The following EWSR1 variants were observed in gnomAD, a reference collection of about 807,000 sequenced individuals.
The protein encoded by EWSR1 is EWS RNA binding protein 1.
A neutral mutation model predicts 92.1 loss-of-function variants in EWSR1; 14 were observed. The observed-to-expected ratio is 0.15, with a 90% CI of 0.10 to 0.24. The LOEUF is 0.24. Ranked by LOEUF, EWSR1 falls within the 10% of genes least tolerant of loss-of-function variation. The pLI, the probability that EWSR1 is intolerant of heterozygous loss-of-function variation, is 1.00. For missense variants in EWSR1, 637 were observed against 870.9 expected, an observed-to-expected ratio of 0.73 and a Z score of 3.38; for synonymous variants, 303 against 292.9, an observed-to-expected ratio of 1.03 and a Z score of -0.35.
intron 6 of EWSR1, among the ~76,000 whole-genome samples, chr22:29,286,100 A>G (rs1296997794): frequency 2.0e-5 from 3 of 151,506 alleles, no homozygotes; most frequent in Non-Finnish European, 4.4e-5. Flanking sequence ...CGGCCTCCCA[A>G]AGTGCTGAGA....
chr22:29,273,095 T>C (rs2058814502), intron 3 of EWSR1, among the ~76,000 whole-genome samples: 2 of 152,236 alleles, frequency 1.3e-5, no homozygotes, highest in Non-Finnish European at 2.9e-5. Flanking sequence ...AGAATAATCA[T>C]GCTAATATCT....
intron 5 of EWSR1, among the ~76,000 whole-genome samples, chr22:29,280,842 T>TG (rs2059512164): frequency 2.0e-5 from 3 of 147,646 alleles, no homozygotes; most frequent in Non-Finnish European, 4.5e-5. Flanking sequence ...CCCAGCTAAT[T>TG]TTGTGTGTGT....
At position 29,282,371 on chromosome 22, in the gene EWSR1, T is replaced by C; in HGVS notation, c.414-19T>C. On this transcript the variant is annotated intron_variant, in intron 5 of 16. Coordinates refer to ENST00000397938, the MANE Select transcript of EWSR1 (RefSeq NM_005243.4). ...AAAAAAAGTCACTTTTTAATTTTAT[T>C]TATTATTTCTCCTCTTAGACCGCAG... 6.6e-7 allele frequency: 1 copy of C among 1,522,006 alleles called. No individual in the cohort carries two copies. Among genetic ancestry groups the C allele is most frequent in the Non-Finnish European group, 8.8e-7 (1 of 1,140,996 alleles). The allele number at this position is 1,522,006 out of a possible 1,614,324, so 94.3% of individuals were successfully genotyped here. A position where few individuals can be genotyped will look rare whatever the true frequency, so the allele number is the denominator to read the frequency against.
At chr22:29,280,793 C>T (rs1396233921) in intron 5 of EWSR1, among the ~76,000 whole-genome samples, 1 of 149,588 alleles carries the variant, frequency 6.7e-6, no homozygotes, top group African/African-American at 2.5e-5. Flanking sequence ...CCTGCCTCAG[C>T]CTCCTGAGTA....
intron 5 of EWSR1, among the ~76,000 whole-genome samples, chr22:29,280,361 C>T (rs1392898004): frequency 6.6e-6 from 1 of 152,182 alleles, no homozygotes; most frequent in Admixed American, 6.5e-5. Flanking sequence ...AGCCACCGCA[C>T]CCGGCCTGCC....
intron 11 of EWSR1, among the ~76,000 whole-genome samples, chr22:29,295,361 G>A (rs1454516127): frequency 6.6e-6 from 1 of 152,154 alleles, no homozygotes; most frequent in Non-Finnish European, 1.5e-5. Flanking sequence ...GCTCACATGT[G>A]TAATCCCAGC....
intron 13 of EWSR1, 109 bp from the exon 14 acceptor site, chr22:29,298,624 G>T: frequency 7.4e-7 from 1 of 1,356,616 alleles, no homozygotes; most frequent in South Asian, 1.2e-5. Flanking sequence ...CAGGTGATGG[G>T]GAAATGACAG....
intron 9 of EWSR1, 179 bp from the exon 10 acceptor site, chr22:29,291,958 C>G (rs2060472328): frequency 1.6e-6 from 1 of 640,258 alleles, no homozygotes; most frequent in South Asian, 2.0e-5. Context: ...AAAGCAAACC[C>G]TAGCAAACCT....
At chr22:29,277,374 T>A (rs921439915) in intron 4 of EWSR1, 3 of 223,938 alleles carry the variant, frequency 1.3e-5, no homozygotes, top group Middle Eastern at 1.3e-3. Context: ...ATATCGAAGT[T>A]TAATTTTAAA....
intron 6 of EWSR1, among the ~76,000 whole-genome samples, chr22:29,282,963 T>C (rs1341444005): frequency 1.3e-5 from 2 of 152,030 alleles, no homozygotes; most frequent in Admixed American, 6.5e-5. Context: ...AGGGTTTCAC[T>C]GTGTTGGCCA....
chr22:29,279,228 C>G (rs114578072), intron 5 of EWSR1, among the ~76,000 whole-genome samples: 1 of 151,974 alleles, frequency 6.6e-6, no homozygotes, highest in African/African-American at 2.4e-5. Flanking sequence ...TTTCATTGAC[C>G]CTGTAAATGG....
At chr22:29,284,717 T>G (rs1388285423) in intron 6 of EWSR1, among the ~76,000 whole-genome samples, 2 of 151,374 alleles carry the variant, frequency 1.3e-5, no homozygotes, top group Non-Finnish European at 2.9e-5. Flanking sequence ...AGCCTCGAAC[T>G]TCCTGGCCTA....
chr22:29,275,046 T>C (rs551687820), intron 4 of EWSR1, among the ~76,000 whole-genome samples: 2 of 102,858 alleles, frequency 1.9e-5, no homozygotes, highest in South Asian at 8.1e-4. Context: ...TGTCCTGATT[T>C]TGATGGGAAG....
At chr22:29,272,576 A>AC in intron 3 of EWSR1, 145 bp downstream of exon 3, 1 of 765,592 alleles carries the variant, frequency 1.3e-6, no homozygotes, top group Non-Finnish European at 2.1e-6. Flanking sequence ...TCACAGTGGG[A>AC]GTGCGAAGGA....
Position 29,291,619 on chromosome 22 carries a change from C to G in EWSR1, c.1012+20C>G. 6.2e-7 allele frequency: 1 copy of G among 1,604,434 alleles called. No individual in the cohort carries two copies. Among genetic ancestry groups the G allele is most frequent in the South Asian group, 1.1e-5 (1 of 89,024 alleles). On this transcript the variant is annotated intron_variant, in intron 9 of 16. Coordinates refer to ENST00000397938, the MANE Select transcript of EWSR1 (RefSeq NM_005243.4). Reference sequence around the variant, plus strand: ...CTGGTGGTAAGTTTTTGAGTATTACCATAGATAGTGTTTAAAAAAAAATGC... The same window carrying G: ...CTGGTGGTAAGTTTTTGAGTATTACGATAGATAGTGTTTAAAAAAAAATGC...
chr22:29,281,040 T>C (rs1301670046), intron 5 of EWSR1, among the ~76,000 whole-genome samples: 2 of 151,808 alleles, frequency 1.3e-5, no homozygotes, highest in Non-Finnish European at 2.9e-5. Flanking sequence ...CCATGATGCC[T>C]GGCTAATTTT....
At position 29,294,096 on chromosome 22, in the gene EWSR1, TCACGTGATC is replaced by T. The variant is rs1225497579; in HGVS notation, c.1164+1494_1164+1502del. ...TCAGGCTGGTCTTGAACTTCTGACC[TCACGTGATC>T]CACCCACCTAGGCCTCCCAAAGTGC... is the stretch of plus-strand genomic sequence containing the variant. On this transcript the variant is annotated intron_variant, in intron 11 of 16. Transcript: ENST00000397938. Among the ~76,000 whole-genome samples the T allele has an allele frequency of 5.3e-5, 8 of 151,944 alleles. No individual in the cohort carries two copies. In the South Asian group the frequency reaches 6.2e-4, roughly 12 times the overall value.
chr22:29,285,880 C>T (rs905174061), intron 6 of EWSR1, among the ~76,000 whole-genome samples: 4 of 152,012 alleles, frequency 2.6e-5, no homozygotes, highest in Non-Finnish European at 5.9e-5. Flanking sequence ...CTCTGTCGCC[C>T]AGGCTGGAGT....
At chr22:29,274,820 A>G (rs545366466) in intron 4 of EWSR1, among the ~76,000 whole-genome samples, 46 of 152,336 alleles carry the variant, frequency 3.0e-4, no homozygotes, top group African/African-American at 1.1e-3. Context: ...GTTGGGTGGG[A>G]TACATGAAAA....
Sources: gnomAD v4.1 joint callset for allele counts (sites outside exome capture counted in the v4.1 genomes callset) on GRCh38, gnomAD v4.1.1 for gene constraint, MANE v1.5 for transcripts, NCBI Gene and HGNC (gene_info 2026-07-23, HGNC 2026-07-21) for gene names.